AP2S1: variants seen among roughly 807,000 people sequenced by gnomAD.
The protein encoded by AP2S1 is adaptor related protein complex 2 subunit sigma 1.
A neutral mutation model predicts 21.0 loss-of-function variants in AP2S1; 6 were observed. The ratio of observed to expected loss-of-function variants is 0.29; its 90% CI spans 0.16 to 0.56. AP2S1 has a LOEUF of 0.56. AP2S1 is among the 20% of genes least tolerant of loss of function. AP2S1 has a pLI of 0.92. For synonymous variants in AP2S1, 63 were observed against 74.6 expected, an observed-to-expected ratio of 0.84 and a Z score of 0.80; for missense variants, 60 against 186.2, an observed-to-expected ratio of 0.32 and a Z score of 3.95.
At chr19:46,845,855 A>G (rs2055621747) in intron 2 of AP2S1, 138 bp downstream of exon 2, 1 of 1,111,684 alleles carries the variant, frequency 9.0e-7, no homozygotes, top group Non-Finnish European at 1.3e-6. Context: ...AGAAGCAAGC[A>G]AGCTCAAAGC....
intron 2 of AP2S1, 58 bp from the exon 3 acceptor site, chr19:46,839,636 G>A (rs761693478): frequency 1.2e-5 from 19 of 1,612,048 alleles, no homozygotes; most frequent in Non-Finnish European, 1.6e-5. Flanking sequence ...GTGCCAGACA[G>A]AGTGGGGCCA....
At chr19:46,845,236 G>A (rs537011799) in intron 2 of AP2S1, among the ~76,000 whole-genome samples, 42 of 151,144 alleles carry the variant, frequency 2.8e-4, no homozygotes, top group African/African-American at 9.0e-4. Flanking sequence ...GTGAAACCTC[G>A]TCTCTACCAA....
chr19:46,841,121 T>C (rs1425735401), intron 2 of AP2S1, among the ~76,000 whole-genome samples: 1 of 151,900 alleles, frequency 6.6e-6, no homozygotes, highest in Admixed American at 6.6e-5. Context: ...GCCTGGCTAA[T>C]TTTTGTATTT....
Position 46,841,801 on chromosome 19 carries a change from G to A in AP2S1, c.154-2223C>T, listed in dbSNP as rs533981172. ...CTTGTGACGAAGTTAAGAAGCATGA[G>A]ATGGGGCGATAATCCTGGATGGTTC... On this transcript the variant is annotated intron_variant, in intron 2 of 4. Transcript: ENST00000263270. 5.3e-4 allele frequency among the ~76,000 whole-genome samples: 80 copies of A among 152,380 alleles called. No individual in the cohort carries two copies. In the South Asian group the frequency reaches 0.016, roughly 31 times the overall value.
intron 3 of AP2S1, 41 bp downstream of exon 3, chr19:46,839,424 G>GCGC: frequency 6.6e-7 from 1 of 1,504,486 alleles, no homozygotes; most frequent in Non-Finnish European, 9.2e-7. Context: ...CTCCAGGGCT[G>GCGC]CCCACCCGCC....
intron 2 of AP2S1, among the ~76,000 whole-genome samples, chr19:46,842,820 A>G (rs993547488): frequency 1.3e-5 from 2 of 151,430 alleles, no homozygotes; most frequent in East Asian, 1.9e-4. Flanking sequence ...GGGACACCCA[A>G]TCTCTTGGTT....
chr19:46,848,858 G>A (rs904011819), intron 1 of AP2S1, among the ~76,000 whole-genome samples: 11 of 149,426 alleles, frequency 7.4e-5, no homozygotes, highest in African/African-American at 2.5e-4. Flanking sequence ...GATTACAGGC[G>A]CATGCCACCA....
At chr19:46,848,202 G>C (rs2055670964) in intron 1 of AP2S1, among the ~76,000 whole-genome samples, 1 of 151,868 alleles carries the variant, frequency 6.6e-6, no homozygotes, top group African/African-American at 2.4e-5. Flanking sequence ...AACCCCATCT[G>C]TACTAAAAAT....
chr19:46,838,818 G>A lies in AP2S1; in HGVS notation c.268-19C>T. Reference sequence around the variant, plus strand: ...TTAAGACCTGGGAGAGGAAGGCAGAGATGGTAAGAGATGGGCAGGGAGAGA... The same window carrying A: ...TTAAGACCTGGGAGAGGAAGGCAGAAATGGTAAGAGATGGGCAGGGAGAGA... On this transcript the variant is annotated intron_variant, in intron 3 of 4. Transcript: ENST00000263270. The surrounding 1 kb of genome is among the most constrained non-coding windows in gnomAD (Gnocchi z 4.1). The A allele has an allele frequency of 1.2e-6, 2 of 1,607,482 alleles. No individual in the cohort carries two copies. The highest frequency in any genetic ancestry group is 2.2e-5 in the East Asian group (1 of 44,844).
intron 1 of AP2S1, chr19:46,850,119 G>A (rs2055711752): frequency 1.6e-6 from 2 of 1,230,858 alleles, no homozygotes; most frequent in Non-Finnish European, 2.0e-6. Context: ...CATTCTTTCC[G>A]AGTGTCCATC....
At chr19:46,849,602 TCTCC>T (rs1201526124) in intron 1 of AP2S1, among the ~76,000 whole-genome samples, 12 of 152,020 alleles carry the variant, frequency 7.9e-5, no homozygotes. Context: ...CTTGTATACC[TCTCC>T]CTGTTTTCTT....
chr19:46,850,445 A>G (rs756581129), intron 1 of AP2S1: 38 of 765,556 alleles, frequency 5.0e-5, no homozygotes, highest in Middle Eastern at 4.2e-4. Flanking sequence ...CCTTCTCGCT[A>G]CCCACAAGAC....
chr19:46,844,888 G>C (rs191804236), intron 2 of AP2S1, among the ~76,000 whole-genome samples: 30 of 151,154 alleles, frequency 2.0e-4, no homozygotes, highest in Non-Finnish European at 5.9e-5. Context: ...GATCACTTGA[G>C]ATCAGGAGGT....
intron 2 of AP2S1, 62 bp from the exon 3 acceptor site, chr19:46,839,640 G>C: frequency 6.2e-7 from 1 of 1,611,292 alleles, no homozygotes; most frequent in East Asian, 2.2e-5. Context: ...CAGACAGAGT[G>C]GGGCCAAAAC....
chr19:46,849,098 C>T (rs1157467686), intron 1 of AP2S1, among the ~76,000 whole-genome samples: 1 of 150,368 alleles, frequency 6.7e-6, no homozygotes, highest in Non-Finnish European at 1.5e-5. Flanking sequence ...CTCTGCCTCC[C>T]GGGTTCAAGC....
At chr19:46,850,345 T>C in intron 1 of AP2S1, 2 of 1,242,464 alleles carry the variant, frequency 1.6e-6, no homozygotes, top group Non-Finnish European at 2.0e-6. Flanking sequence ...CTCCCTCCCC[T>C]TTTCCAAGGT....
chr19:46,842,071 C>G (rs1030944672), intron 2 of AP2S1, among the ~76,000 whole-genome samples: 1 of 152,150 alleles, frequency 6.6e-6, no homozygotes, highest in African/African-American at 2.4e-5. Flanking sequence ...GTCCCAGCTA[C>G]TCAGGAGTCT....
At chr19:46,848,205 C>G (rs1299397341) in intron 1 of AP2S1, among the ~76,000 whole-genome samples, 1 of 151,970 alleles carries the variant, frequency 6.6e-6, no homozygotes, top group African/African-American at 2.4e-5. Context: ...CCCATCTGTA[C>G]TAAAAATACA....
In AP2S1 at chr19:46,838,404, C is replaced by G; in HGVS notation, c.*43G>C. ...GGCCTGGGAAGGGGAAGCGAGCAGG[C>G]GAGTCCAGGAGGGGCCGGGGCCGGG... On this transcript the variant is annotated 3_prime_UTR_variant, in exon 5 of 5. Coordinates refer to ENST00000263270, the MANE Select transcript of AP2S1 (RefSeq NM_004069.6). The surrounding 1 kb of genome is among the most constrained non-coding windows in gnomAD (Gnocchi z 4.1). 7 of 1,593,376 alleles carry G rather than the reference C, an allele frequency of 4.4e-6. No homozygotes were observed. The highest frequency in any genetic ancestry group is 6.0e-6 in the Non-Finnish European group (7 of 1,162,356).
Sources: gnomAD v4.1 joint callset for allele counts (sites outside exome capture counted in the v4.1 genomes callset) on GRCh38, gnomAD v4.1.1 for gene constraint, Gnocchi (gnomAD v3.1) non-coding constraint, MANE v1.5 for transcripts, NCBI Gene and HGNC (gene_info 2026-07-23, HGNC 2026-07-21) for gene names.